Variants in TSPAN15 observed in about 807,000 individuals in gnomAD.
The protein encoded by TSPAN15 is tetraspanin 15, also known as tetraspanin-15.
A neutral mutation model predicts 34.5 loss-of-function variants in TSPAN15; 20 were observed. That is an observed-to-expected ratio of 0.58 (90% CI 0.41 to 0.84). The LOEUF (loss-of-function observed/expected upper bound fraction) is 0.84, where lower values mean the gene tolerates loss of function less well. Among genes scored for constraint, TSPAN15 ranks in the 40% least tolerant of loss-of-function variants. The probability of loss-of-function intolerance (pLI) is 0.00; values close to 1 mark genes in which losing one functional copy is unlikely to be tolerated. For missense variants in TSPAN15, 313 were observed against 386.1 expected (o/e 0.81, Z 1.59); for synonymous variants, 155 against 153.9 (o/e 1.01, Z -0.05).
At chr10:69,516,394 G>A in the TSPAN15 span, among the ~76,000 whole-genome samples, 1 of 152,184 alleles carries the variant, frequency 6.6e-6, no homozygotes, top group Non-Finnish European at 1.5e-5. Flanking sequence ...CCCACCAATA[G>A]GATCTGAGGT....
At chr10:69,462,924 C>T (rs140762010) in intron 1 of TSPAN15, among the ~76,000 whole-genome samples, 1 of 152,070 alleles carries the variant, frequency 6.6e-6, no homozygotes, top group Non-Finnish European at 1.5e-5. Flanking sequence ...TCAGTAGGGC[C>T]CCATGTGGGC....
chr10:69,513,199 G>C, the TSPAN15 span, among the ~76,000 whole-genome samples: 1 of 152,270 alleles, frequency 6.6e-6, no homozygotes, highest in Admixed American at 6.5e-5. Context: ...ACTTTTCGTA[G>C]ACATATTTGC....
At chr10:69,539,571 G>GAAGAAGAAGAAGAAGA in the TSPAN15 span, among the ~76,000 whole-genome samples, 1 of 150,446 alleles carries the variant, frequency 6.6e-6, no homozygotes, top group Non-Finnish European at 1.5e-5. Flanking sequence ...AGGAGAAGAA[G>GAAGAAGAAGAAGAAGA]ACTCAGCCCC....
chr10:69,512,315 G>A (rs987606879), downstream of TSPAN15, among the ~76,000 whole-genome samples: 4 of 152,102 alleles, frequency 2.6e-5, no homozygotes, highest in African/African-American at 7.2e-5. Flanking sequence ...AAGTTGAGGA[G>A]GTTTGTGGGC....
chr10:69,549,142 G>A, the TSPAN15 span, among the ~76,000 whole-genome samples: 2 of 152,016 alleles, frequency 1.3e-5, no homozygotes, highest in African/African-American at 2.4e-5. Context: ...TTAGAAATAT[G>A]TTACCCATAA....
downstream of TSPAN15, among the ~76,000 whole-genome samples, chr10:69,508,032 G>T (rs1194106322): frequency 2.0e-5 from 3 of 152,094 alleles, no homozygotes; most frequent in African/African-American, 4.8e-5. Context: ...GCGTGGTGTC[G>T]GTCGACCCCT....
chr10:69,513,455 C>A, the TSPAN15 span, among the ~76,000 whole-genome samples: 2 of 152,154 alleles, frequency 1.3e-5, no homozygotes, highest in Non-Finnish European at 1.5e-5. Context: ...GATCTTCCCA[C>A]CTCAGCCTCC....
intron 1 of TSPAN15, among the ~76,000 whole-genome samples, chr10:69,467,366 C>T (rs980513632): frequency 6.6e-6 from 1 of 152,146 alleles, no homozygotes; most frequent in African/African-American, 2.4e-5. Context: ...GTGAGCTGAC[C>T]CTTGCCTGGG....
intron 5 of TSPAN15, among the ~76,000 whole-genome samples, chr10:69,500,119 G>C (rs1842173705): frequency 6.6e-6 from 1 of 152,170 alleles, no homozygotes; most frequent in African/African-American, 2.4e-5. Context: ...AGTGATCCAG[G>C]GGTCATAGGT....
At chr10:69,482,553 G>A (rs12254260) in intron 1 of TSPAN15, among the ~76,000 whole-genome samples, 5,081 of 152,240 alleles carry the variant, frequency 0.033, 279 homozygotes, top group African/African-American at 0.12. Context: ...CCCTGAGCAC[G>A]GGGTGACCTG....
chr10:69,505,267 G>A (rs1182984037), intron 6 of TSPAN15, among the ~76,000 whole-genome samples: 1 of 152,212 alleles, frequency 6.6e-6, no homozygotes, highest in East Asian at 1.9e-4. Flanking sequence ...ATTTACAGCT[G>A]TTTAACATAG....
chr10:69,539,681 T>A, the TSPAN15 span, among the ~76,000 whole-genome samples: 1 of 152,052 alleles, frequency 6.6e-6, no homozygotes, highest in African/African-American at 2.4e-5. Flanking sequence ...CAGAAATTAG[T>A]TTGGGGCTGA....
At chr10:69,512,597 C>T (rs1462444951), downstream of TSPAN15, among the ~76,000 whole-genome samples, 1 of 152,216 alleles carries the variant, frequency 6.6e-6, no homozygotes, top group Non-Finnish European at 1.5e-5. Context: ...TCCCACCATC[C>T]ACAGCCTATG....
chr10:69,507,597 T>A lies in TSPAN15; in HGVS notation c.*619T>A, dbSNP rs992800754. On this transcript the variant is annotated 3_prime_UTR_variant, in exon 8 of 8. Transcript: ENST00000373290. ...TAATCAAAGCTGGTATTTCCCCGCA[T>A]GTCTTATTCTTGCCCTTCCCCCAAC... is the stretch of plus-strand genomic sequence containing the variant. The A allele has an allele frequency of 1.5e-6, 2 of 1,304,036 alleles. No individual in the cohort carries two copies. Among genetic ancestry groups the A allele is most frequent in the African/African-American group, 3.0e-5 (2 of 65,954 alleles). 80.8% of individuals were successfully genotyped at this position (1,304,036 alleles called of 1,614,324 possible).
Position 69,471,761 on chromosome 10 carries a change from C to A in TSPAN15, c.97-11930C>A, listed in dbSNP as rs111575478. 9.8e-3 allele frequency among the ~76,000 whole-genome samples: 1,489 copies of A among 152,012 alleles called. 32 individuals carry two copies. The highest frequency in any genetic ancestry group is 0.034 in the African/African-American group (1,404 of 41,442). ...GCCGTGCCACCACACCTGGCTAATT[C>A]TTCTTACTTTTTGTAGGGATGAGGG... is the stretch of plus-strand genomic sequence containing the variant. On this transcript the variant is annotated intron_variant, in intron 1 of 7. Transcript: ENST00000373290.
intron 1 of TSPAN15, among the ~76,000 whole-genome samples, chr10:69,452,066 AGTT>A (rs1258574541): frequency 6.6e-6 from 1 of 152,240 alleles, no homozygotes. Context: ...GAGCTTAAGT[AGTT>A]AGGATTTGCA....
At chr10:69,475,486 C>T (rs1241539768) in intron 1 of TSPAN15, among the ~76,000 whole-genome samples, 3 of 152,064 alleles carry the variant, frequency 2.0e-5, no homozygotes, top group Non-Finnish European at 2.9e-5. Context: ...TTTGTTCTAC[C>T]GCTTCTACCT....
At chr10:69,546,000 C>A in the TSPAN15 span, among the ~76,000 whole-genome samples, 31,907 of 151,494 alleles carry the variant, frequency 0.21, 3,642 homozygotes, top group Non-Finnish European at 0.27. Context: ...AACAAACAAA[C>A]AAAAAAACCA....
chr10:69,486,110 A>G (rs917784639), intron 3 of TSPAN15, among the ~76,000 whole-genome samples: 1 of 152,244 alleles, frequency 6.6e-6, no homozygotes, highest in Non-Finnish European at 1.5e-5. Flanking sequence ...CCTAGCTCAC[A>G]GATCTGATGA....
Sources: gnomAD v4.1 joint callset for allele counts (sites outside exome capture counted in the v4.1 genomes callset) on GRCh38, gnomAD v4.1.1 for gene constraint, MANE v1.5 for transcripts, NCBI Gene and HGNC (gene_info 2026-07-23, HGNC 2026-07-21) for gene names.